PNMT: variants seen among roughly 807,000 people sequenced by gnomAD.
PNMT encodes noradrenaline N-methyltransferase.
In PNMT, 18 loss-of-function variants were observed where a neutral mutation model predicts 18.9. The ratio of observed to expected loss-of-function variants is 0.95; its 90% CI spans 0.66 to 1.41. PNMT has a LOEUF of 1.41. Among genes scored for constraint, PNMT ranks in the 40% most tolerant of loss-of-function variants. The pLI, the probability that PNMT is intolerant of heterozygous loss-of-function variation, is 0.00. For missense variants in PNMT, 378 were observed against 387.0 expected (o/e 0.98, Z 0.20); for synonymous variants, 167 against 168.6 (o/e 0.99, Z 0.08).
Position 39,670,057 on chromosome 17 carries a change from C to T in PNMT, c.517C>T (p.Leu173=). 1 of 1,607,562 alleles carries T rather than the reference C, an allele frequency of 6.2e-7. No homozygotes were observed. The highest frequency in any genetic ancestry group is 8.5e-7 in the Non-Finnish European group (1 of 1,179,926). Residue 173 remains leucine, a synonymous_variant, in exon 3 of 3, where the codon CTG becomes TTG. Transcript: ENST00000269582. Reference sequence around the variant, plus strand: ...CCTGGGTGCTGGGAGCCCAGCTCCCCTGCCTGCTGACGCCCTGGTCTCTGC... The same window carrying T: ...CCTGGGTGCTGGGAGCCCAGCTCCCTTGCCTGCTGACGCCCTGGTCTCTGC... The part of the protein sequence containing the change: ...QPLGAGSPAP[L]PADALVSAFC...
chr17:39,668,145 TG>T, upstream of PNMT: 1 of 172,790 alleles, frequency 5.8e-6, no homozygotes, highest in Non-Finnish European at 9.5e-6. Flanking sequence ...CTAAAGATTG[TG>T]GGGGTGAGGA....
chr17:39,668,708 A>C, intron 1 of PNMT, 31 bp downstream of exon 1: 1 of 1,529,364 alleles, frequency 6.5e-7, no homozygotes, highest in Non-Finnish European at 8.9e-7. Context: ...CACGAGGGAC[A>C]AGAGGTCGTC....
Position 39,669,652 on chromosome 17 carries a change from A to G in PNMT, c.226A>G (p.Ile76Val), listed in dbSNP as rs2057281871. The change falls in exon 2 of 3, where the codon ATC becomes GTC. Residue 76 changes from isoleucine (I) to valine (V), a missense_variant. Ile to Val is a conservative substitution (Grantham distance 29). Transcript: ENST00000269582. ...ATGEVSGRTL[I>V]DIGSGPTVYQ... ...AGGTGAAGTGTCCGGACGCACCCTC[A>G]TCGACATTGGTTCAGGCCCCACCGT... is the stretch of plus-strand genomic sequence containing the variant. 1 of 1,613,900 alleles carries G rather than the reference A, an allele frequency of 6.2e-7. No individual in the cohort carries two copies. The highest frequency in any genetic ancestry group is 1.3e-5 in the African/African-American group (1 of 74,884).
rs1464397705 is a variant in PNMT at position 39,670,399 on chromosome 17, C to T, written c.*10C>T. ...GAAGGTTGGGCTGTGAGGGCTGTAC[C>T]TGGTGCCCTGTGGCCCCCACCCACC... On this transcript the variant is annotated 3_prime_UTR_variant, in exon 3 of 3. Transcript: ENST00000269582. 1 of 1,554,302 alleles carries T rather than the reference C, an allele frequency of 6.4e-7. No homozygotes were observed.
rs1385010497 is a variant in PNMT at position 39,669,669 on chromosome 17, C to T, written c.243C>T (p.Gly81=). The T allele has an allele frequency of 2.4e-5, 38 of 1,613,936 alleles. No homozygotes were observed. Among genetic ancestry groups the T allele is most frequent in the Non-Finnish European group, 3.1e-5 (37 of 1,179,972 alleles). ...GCACCCTCATCGACATTGGTTCAGG[C>T]CCCACCGTGTACCAGCTGCTCAGTG... ...SGRTLIDIGS[G]PTVYQLLSAC... The change falls in exon 2 of 3, where the codon GGC becomes GGT. Residue 81 remains glycine, a synonymous_variant. Transcript: ENST00000269582.
At chr17:39,668,315 A>G, upstream of PNMT, 1 of 518,320 alleles carries the variant, frequency 1.9e-6, no homozygotes, top group Non-Finnish European at 3.2e-6. Context: ...CCCGGACACT[A>G]AGGGAGATGG....
At chr17:39,668,309 G>A (rs2057270781), upstream of PNMT, 3 of 502,622 alleles carry the variant, frequency 6.0e-6, no homozygotes, top group Non-Finnish European at 9.9e-6. Context: ...CTGCAGCCCG[G>A]ACACTAAGGG....
chr17:39,668,522 C>T lies in PNMT; in HGVS notation c.47C>T (p.Ser16Leu). 6 of 1,538,686 alleles carry T rather than the reference C, an allele frequency of 3.9e-6. No individual in the cohort carries two copies. The South Asian group carries it at 7.1e-5, about 18-fold the overall frequency. The change falls in exon 1 of 3, where the codon TCG (serine) becomes TTG (leucine). Residue 16 changes from serine (S) to leucine (L), a missense_variant. Transcript: ENST00000269582. ...CCCAATGCGGGCGCAGCCCCTGACT[C>T]GGCCCCGGGCCAGGCGGCGGTGGCT... ...RSPNAGAAPD[S>L]APGQAAVASA...
intron 1 of PNMT, 83 bp from the exon 2 acceptor site, chr17:39,669,546 G>A (rs2057280749): frequency 2.2e-6 from 2 of 913,026 alleles, no homozygotes; most frequent in East Asian, 4.9e-5. Context: ...GAGAGGCAGG[G>A]AGATGCAGGG....
chr17:39,669,396 C>A (rs1215721291), intron 1 of PNMT, among the ~76,000 whole-genome samples: 2 of 152,178 alleles, frequency 1.3e-5, no homozygotes, highest in Non-Finnish European at 2.9e-5. Context: ...GTATAGTCTT[C>A]TAGATGTGAA....
At position 39,670,140 on chromosome 17, in the gene PNMT, C is replaced by T. The variant is rs781730093; in HGVS notation, c.600C>T (p.His200=). 6 of 1,611,758 alleles carry T rather than the reference C, an allele frequency of 3.7e-6. No homozygotes were observed. The highest frequency in any genetic ancestry group is 2.7e-5 in the African/African-American group (2 of 74,892). The change falls in exon 3 of 3, where the codon CAC becomes CAT. Residue 200 remains histidine, a synonymous_variant. Transcript: ENST00000269582. ...DLASFQRALD[H]ITTLLRPGGH... is the part of the protein sequence containing the mutation. ...CCAGCTTTCAGCGGGCCCTGGACCA[C>T]ATCACCACGCTGCTGAGGCCTGGGG...
upstream of PNMT, chr17:39,668,120 C>T (rs995552284): frequency 1.1e-5 from 2 of 183,460 alleles, no homozygotes; most frequent in Non-Finnish European, 1.9e-5. Context: ...GGCCGGCCGG[C>T]GGGGGTGAGG....
Position 39,668,523 on chromosome 17 carries a change from G to C in PNMT, c.48G>C (p.Ser16=). ...CCAATGCGGGCGCAGCCCCTGACTC[G>C]GCCCCGGGCCAGGCGGCGGTGGCTT... ...RSPNAGAAPD[S]APGQAAVASA... is the part of the protein sequence containing the mutation. The change falls in exon 1 of 3, where the codon TCG becomes TCC. Residue 16 remains serine (S), a synonymous_variant. Coordinates refer to ENST00000269582, the MANE Select transcript of PNMT (RefSeq NM_002686.4). 6.5e-7 allele frequency: 1 copy of C among 1,539,474 alleles called. No homozygotes were observed. Among genetic ancestry groups the C allele is most frequent in the Non-Finnish European group, 8.7e-7 (1 of 1,148,742 alleles).
intron 1 of PNMT, among the ~76,000 whole-genome samples, 162 bp from the exon 2 acceptor site, chr17:39,669,467 C>T (rs2057279863): frequency 6.6e-6 from 1 of 152,180 alleles, no homozygotes; most frequent in African/African-American, 2.4e-5. Flanking sequence ...GAGCTGGGTT[C>T]AGTCTAACTC....
Position 39,668,530 on chromosome 17 carries a change from G to A in PNMT, c.55G>A (p.Gly19Ser). 6.5e-7 allele frequency: 1 copy of A among 1,544,138 alleles called. No individual in the cohort carries two copies. Among genetic ancestry groups the A allele is most frequent in the South Asian group, 1.2e-5 (1 of 84,432 alleles). Residue 19 changes from glycine (G) to serine (S), a missense_variant, in exon 1 of 3, where the codon GGC (glycine) becomes AGC (serine). Coordinates refer to ENST00000269582, the MANE Select transcript of PNMT (RefSeq NM_002686.4). Reference protein sequence around the residue: ...NAGAAPDSAPGQAAVASAYQR... With the variant: ...NAGAAPDSAPSQAAVASAYQR... ...GGGCGCAGCCCCTGACTCGGCCCCG[G>A]GCCAGGCGGCGGTGGCTTCGGCCTA... is the stretch of plus-strand genomic sequence containing the variant.
intron 1 of PNMT, among the ~76,000 whole-genome samples, chr17:39,669,136 A>G (rs1597807537): frequency 6.6e-6 from 1 of 151,926 alleles, no homozygotes; most frequent in Admixed American, 6.6e-5. Flanking sequence ...GCTGGAGTAC[A>G]ATGGCGCCAT....
rs202003692 is a variant in PNMT, at chr17:39,670,132, C to T, written c.592C>T (p.Leu198=). ...AGATCTTGCCAGCTTTCAGCGGGCC[C>T]TGGACCACATCACCACGCTGCTGAG... ...SPDLASFQRA[L]DHITTLLRPG... is the part of the protein sequence containing the mutation. The change falls in exon 3 of 3, where the codon CTG becomes TTG. Residue 198 remains leucine, a synonymous_variant. Transcript: ENST00000269582. The T allele has an allele frequency of 1.2e-6, 2 of 1,611,680 alleles. No individual in the cohort carries two copies. The highest frequency in any genetic ancestry group is 3.3e-5 in the Admixed American group (2 of 60,016).
chr17:39,668,422 G>GT (rs1181980264), upstream of PNMT: 14 of 1,323,952 alleles, frequency 1.1e-5, no homozygotes, highest in Non-Finnish European at 1.3e-5. Context: ...GGGTCGGGCG[G>GT]TAGAAAAAAG....
chr17:39,669,828 G>C lies in PNMT; in HGVS notation c.402G>C (p.Glu134Asp), dbSNP rs112409382. Residue 134 changes from glutamate (E) to aspartate (D), a missense_variant, in exon 2 of 3, where the codon GAG (glutamate) becomes GAC (aspartate). Physicochemically the swap from Glu to Asp is conservative, Grantham distance 45. Coordinates refer to ENST00000269582, the MANE Select transcript of PNMT (RefSeq NM_002686.4). ...ACAGCCAACATGCCTGCCTCATTGA[G>C]GGCAAGGGGTAAGGACTGGGGGGTG... is the stretch of plus-strand genomic sequence containing the variant. ...SMYSQHACLI[E>D]GKGECWQDKE... 1 of 1,613,546 alleles carries C rather than the reference G, an allele frequency of 6.2e-7. No individual in the cohort carries two copies. The highest frequency in any genetic ancestry group is 1.3e-5 in the African/African-American group (1 of 74,906).
Sources: gnomAD v4.1 joint callset for allele counts (sites outside exome capture counted in the v4.1 genomes callset) on GRCh38, gnomAD v4.1.1 for gene constraint, MANE v1.5 for transcripts, NCBI Gene and HGNC (gene_info 2026-07-23, HGNC 2026-07-21) for gene names.